The following GLIS3 variants were observed in gnomAD, a reference collection of about 807,000 sequenced individuals.
GLIS3 encodes the protein GLIS family zinc finger 3.
A neutral mutation model predicts 78.6 loss-of-function variants in GLIS3; 53 were observed. The ratio of observed to expected loss-of-function variants is 0.67; its 90% CI spans 0.54 to 0.85. GLIS3 has a LOEUF of 0.85. GLIS3 is among the 40% of genes least tolerant of loss of function. GLIS3 has a pLI of 0.00. For synonymous variants in GLIS3, 684 were observed against 509.9 expected (o/e 1.34, Z -4.60); for missense variants, 1,703 against 1,231.1 (o/e 1.38, Z -5.74).
chr9:3,888,223 C>G (rs542810497), intron 7 of GLIS3, among the ~76,000 whole-genome samples: 1 of 152,254 alleles, frequency 6.6e-6, no homozygotes, highest in African/African-American at 2.4e-5. Context: ...AAAAGTTTTA[C>G]TTGGCCACAA....
intron 4 of GLIS3, among the ~76,000 whole-genome samples, chr9:4,110,676 C>T (rs568156266): frequency 5.9e-5 from 9 of 152,226 alleles, no homozygotes; most frequent in Admixed American, 3.3e-4. Flanking sequence ...CAAGCCTTCC[C>T]TACTCAGGCT....
intron 2 of GLIS3, among the ~76,000 whole-genome samples, chr9:4,269,598 C>T (rs953160709): frequency 6.6e-6 from 1 of 152,162 alleles, no homozygotes; most frequent in Non-Finnish European, 1.5e-5. Flanking sequence ...CTAACTACAT[C>T]ATTATGTGTT....
intron 2 of GLIS3, among the ~76,000 whole-genome samples, chr9:4,133,017 G>A (rs1479843767): frequency 1.1e-4 from 16 of 152,164 alleles, no homozygotes; most frequent in Admixed American, 1.0e-3. Context: ...CTGCCTCTAA[G>A]CAGCAGGGTT....
chr9:4,035,224 C>A (rs1335120282), intron 4 of GLIS3, among the ~76,000 whole-genome samples: 1 of 152,086 alleles, frequency 6.6e-6, no homozygotes, highest in Non-Finnish European at 1.5e-5. Context: ...AATGTTATCT[C>A]CATTTTACAG....
At chr9:3,888,618 A>G (rs1822231101) in intron 7 of GLIS3, among the ~76,000 whole-genome samples, 1 of 152,184 alleles carries the variant, frequency 6.6e-6, no homozygotes. Flanking sequence ...GATTATCATG[A>G]GCCCTGGGCG....
the GLIS3 span, among the ~76,000 whole-genome samples, chr9:4,402,771 C>T: frequency 6.6e-6 from 1 of 151,920 alleles, no homozygotes; most frequent in Non-Finnish European, 1.5e-5. Context: ...TTTGAAAACA[C>T]ACAGAAGGGG....
At chr9:4,361,220 C>G in the GLIS3 span, among the ~76,000 whole-genome samples, 2 of 152,298 alleles carry the variant, frequency 1.3e-5, no homozygotes, top group South Asian at 4.1e-4. Context: ...TTTCTCTAGG[C>G]AGTCTTAATG....
chr9:4,322,322 A>T (rs965824015), intron 2 of GLIS3, among the ~76,000 whole-genome samples: 2 of 152,202 alleles, frequency 1.3e-5, no homozygotes, highest in African/African-American at 2.4e-5. Context: ...TGTTGTGAAT[A>T]GTGCCACAAT....
the GLIS3 span, among the ~76,000 whole-genome samples, chr9:4,389,014 CA>C: frequency 6.6e-6 from 1 of 152,114 alleles, no homozygotes; most frequent in African/African-American, 2.4e-5. Context: ...ATTCTATATA[CA>C]AAATCAAAGC....
chr9:4,225,154 T>C (rs997171155), intron 2 of GLIS3, among the ~76,000 whole-genome samples: 2 of 152,002 alleles, frequency 1.3e-5, no homozygotes, highest in Admixed American at 6.6e-5. Flanking sequence ...TGCCTATATA[T>C]ACAAAGTTGG....
At chr9:3,860,272 C>CAAAAAAAAAAAAAAAAA (rs59923144) in intron 8 of GLIS3, among the ~76,000 whole-genome samples, 4 of 53,604 alleles carry the variant, frequency 7.5e-5, no homozygotes, top group Admixed American at 2.9e-4. Context: ...AAGACTCTGT[C>CAAAAAAAAAAAAAAAAA]AAAAAAAAAA....
chr9:4,201,950 G>C (rs1009880670), intron 2 of GLIS3, among the ~76,000 whole-genome samples: 1 of 151,974 alleles, frequency 6.6e-6, no homozygotes, highest in South Asian at 2.1e-4. Flanking sequence ...AGCCTGGCCA[G>C]TGTATAGTGA....
chr9:4,050,438 G>A (rs993876945), intron 4 of GLIS3, among the ~76,000 whole-genome samples: 6 of 152,034 alleles, frequency 3.9e-5, no homozygotes, highest in Non-Finnish European at 5.9e-5. Context: ...CACACACCAG[G>A]GCCTGTTGGT....
chr9:4,171,030 C>T (rs1816328959), intron 2 of GLIS3, among the ~76,000 whole-genome samples: 1 of 152,172 alleles, frequency 6.6e-6, no homozygotes, highest in African/African-American at 2.4e-5. Flanking sequence ...AACAATCAAG[C>T]TTCTATCAAA....
At chr9:3,879,633 A>G (rs1821597054) in intron 7 of GLIS3, 38 bp from the exon 8 acceptor site, 1 of 1,611,064 alleles carries the variant, frequency 6.2e-7, no homozygotes, top group Non-Finnish European at 8.5e-7. Flanking sequence ...ACCGTGCCCC[A>G]AAGGAAGCCC....
intron 4 of GLIS3, among the ~76,000 whole-genome samples, chr9:4,058,064 G>C (rs1411541491): frequency 6.6e-6 from 1 of 152,104 alleles, no homozygotes; most frequent in Non-Finnish European, 1.5e-5. Flanking sequence ...AAGGACAAAA[G>C]ACAAAGAGAA....
At chr9:4,134,426 T>C (rs528217922) in intron 2 of GLIS3, among the ~76,000 whole-genome samples, 3 of 152,240 alleles carry the variant, frequency 2.0e-5, no homozygotes, top group Admixed American at 6.5e-5. Context: ...GCATGGGAAA[T>C]GGTGGCTGGC....
the GLIS3 span, among the ~76,000 whole-genome samples, chr9:4,420,280 G>A: frequency 6.6e-6 from 1 of 152,164 alleles, no homozygotes; most frequent in Non-Finnish European, 1.5e-5. Flanking sequence ...TAGGCCAGGA[G>A]TTTTAAGGAG....
intron 2 of GLIS3, among the ~76,000 whole-genome samples, chr9:4,318,458 T>C (rs1817472163): frequency 6.6e-6 from 1 of 152,118 alleles, no homozygotes; most frequent in African/African-American, 2.4e-5. Context: ...GTAAGCATCT[T>C]GTGACAGAAC....
Sources: allele counts gnomAD v4.1 joint callset (sites outside exome capture counted in the v4.1 genomes callset), GRCh38; gene constraint gnomAD v4.1.1; transcripts MANE v1.5; gene names NCBI Gene and HGNC (gene_info 2026-07-23, HGNC 2026-07-21).